PHLPP1: variants seen among roughly 807,000 people sequenced by gnomAD.
The protein encoded by PHLPP1 is PH domain leucine-rich repeat-containing protein phosphatase 1.
PHLPP1 carries 42 observed loss-of-function variants against 117.2 expected under a neutral mutation model. The ratio of observed to expected loss-of-function variants is 0.36; its 90% confidence interval spans 0.28 to 0.46. The LOEUF (loss-of-function observed/expected upper bound fraction) is 0.46. PHLPP1 is among the 20% of genes least tolerant of loss of function. The pLI is 1.00. For missense variants in PHLPP1, 2,084 were observed against 2,241.9 expected, an observed-to-expected ratio of 0.93 and a Z score of 1.42; for synonymous variants, 1,042 against 970.7, an observed-to-expected ratio of 1.07 and a Z score of -1.37.
chr18:62,751,344 A>G (rs1240242325), intron 1 of PHLPP1, among the ~76,000 whole-genome samples: 1 of 152,194 alleles, frequency 6.6e-6, no homozygotes, highest in Non-Finnish European at 1.5e-5. Context: ...CAAAGGAGTA[A>G]AACTTGAAGG....
chr18:62,936,828 G>A (rs947972113), intron 10 of PHLPP1, among the ~76,000 whole-genome samples: 3 of 152,166 alleles, frequency 2.0e-5, no homozygotes, highest in Non-Finnish European at 4.4e-5. Context: ...GAAATACAAC[G>A]TGAAGTGTCA....
At chr18:62,729,967 C>A (rs1243117587) in intron 1 of PHLPP1, among the ~76,000 whole-genome samples, 2 of 152,124 alleles carry the variant, frequency 1.3e-5, no homozygotes, top group Admixed American at 1.3e-4. Flanking sequence ...TCACAACAAC[C>A]GTATGAGGTA....
rs1910699644 is a variant in PHLPP1 at position 62,715,761 on chromosome 18, C to G, written c.78C>G (p.Ala26=). 1.0e-6 allele frequency: 1 copy of G among 986,816 alleles called. No homozygotes were observed. The highest frequency in any genetic ancestry group is 1.2e-6 in the Non-Finnish European group (1 of 804,108). The allele number at this position is 986,816 out of a possible 1,614,324, so 61.1% of individuals were successfully genotyped here. The change falls in exon 1 of 17, where the codon GCC becomes GCG. Residue 26 remains alanine (A), a synonymous_variant. Transcript: ENST00000262719. ...AGGACCGAGCTTCGGCTCCGGCGGCCGCCGCTGCGGCAGCAGCAGCAGCAG... is the reference window on the plus strand; with the variant it reads ...AGGACCGAGCTTCGGCTCCGGCGGCGGCCGCTGCGGCAGCAGCAGCAGCAG... ...GREDRASAPA[A]AAAAAAAAAA...
At position 62,978,506 on chromosome 18, in the gene PHLPP1, G is replaced by A. The variant is rs1455964354; in HGVS notation, c.4229G>A (p.Gly1410Asp). ...CTGTGTACCCTGGCCCAGAGCTACG[G>A]CTGCCACGACAGCATCAGCGCTGTG... is the stretch of plus-strand genomic sequence containing the variant. Reference protein sequence around the residue: ...KKLCTLAQSYGCHDSISAVVV... With the variant: ...KKLCTLAQSYDCHDSISAVVV... The change falls in exon 17 of 17, where the codon GGC (glycine) becomes GAC (aspartate). Residue 1410 changes from glycine (G) to aspartate (D), a missense_variant. Physicochemically the swap from Gly to Asp is moderately conservative, Grantham distance 94 (BLOSUM62 -1). This residue lies in a region of PHLPP1 where 1,365 missense variants were observed against 1,605.9 expected (regional missense o/e 0.85). Coordinates refer to ENST00000262719, the MANE Select transcript of PHLPP1 (RefSeq NM_194449.4). The surrounding 1 kb of genome is among the most constrained non-coding windows in gnomAD (Gnocchi z 7.0). The A allele has an allele frequency of 6.2e-7, 1 of 1,608,364 alleles. No individual in the cohort carries two copies. The highest frequency in any genetic ancestry group is 8.5e-7 in the Non-Finnish European group (1 of 1,177,688).
intron 3 of PHLPP1, among the ~76,000 whole-genome samples, chr18:62,847,615 A>G (rs926907413): frequency 2.6e-5 from 4 of 152,230 alleles, no homozygotes; most frequent in Non-Finnish European, 5.9e-5. Flanking sequence ...GTAGTTGACA[A>G]GAAGCGAATA....
chr18:62,960,891 A>G (rs1391111393), intron 13 of PHLPP1, among the ~76,000 whole-genome samples: 2 of 152,160 alleles, frequency 1.3e-5, no homozygotes, highest in East Asian at 1.9e-4. Flanking sequence ...GATTTTCCGT[A>G]TATTATTTGC....
chr18:62,715,865 G>A lies in PHLPP1; in HGVS notation c.182G>A (p.Ser61Asn). The A allele has an allele frequency of 3.7e-6, 3 of 818,278 alleles. No homozygotes were observed. In the South Asian group the frequency reaches 1.6e-4, roughly 43 times the overall value. 50.7% of individuals were successfully genotyped at this position (818,278 alleles called of 1,614,324 possible). Residue 61 changes from serine (S) to asparagine (N), a missense_variant, in exon 1 of 17, where the codon AGC becomes AAC. Ser to Asn is a conservative substitution (Grantham distance 46). Coordinates refer to ENST00000262719, the MANE Select transcript of PHLPP1 (RefSeq NM_194449.4). ...CCCGCGCTGACCCCGGCGGCCCCGA[G>A]CGGCGGGAACGGCAGCGGCAGCGGG... ...PEPALTPAAP[S>N]GGNGSGSGAR...
At chr18:62,749,635 G>T (rs1281173272) in intron 1 of PHLPP1, among the ~76,000 whole-genome samples, 5 of 152,172 alleles carry the variant, frequency 3.3e-5, no homozygotes, top group Admixed American at 6.5e-5. Flanking sequence ...CATGCAGATG[G>T]CCACCTTCTC....
At chr18:62,920,405 C>T (rs1909425990) in intron 10 of PHLPP1, among the ~76,000 whole-genome samples, 1 of 152,128 alleles carries the variant, frequency 6.6e-6, no homozygotes, top group South Asian at 2.1e-4. Flanking sequence ...AAGTGTGCTG[C>T]TCTGTTACTA....
intron 1 of PHLPP1, among the ~76,000 whole-genome samples, chr18:62,739,063 G>A (rs975762286): frequency 6.6e-6 from 1 of 152,166 alleles, no homozygotes; most frequent in African/African-American, 2.4e-5. Context: ...TAAGTTTGAG[G>A]TTCCTGAAGA....
At chr18:62,971,657 G>A (rs75992541) in intron 14 of PHLPP1, among the ~76,000 whole-genome samples, 2,310 of 150,970 alleles carry the variant, frequency 0.015, 36 homozygotes, top group Non-Finnish European at 0.025. Flanking sequence ...GAAGCTGGGC[G>A]GGAAGCAGGC....
chr18:62,912,302 TAAAAAAAAAAAATTAA>T (rs1332764551), intron 8 of PHLPP1, among the ~76,000 whole-genome samples: 14 of 131,476 alleles, frequency 1.1e-4, no homozygotes, highest in Admixed American at 1.1e-3. Flanking sequence ...TAGAGTATAA[TAAAAAAAAAAAATTAA>T]AAAAAAAATA....
At chr18:62,915,033 G>A (rs1909225319) in intron 9 of PHLPP1, 25 bp downstream of exon 9, 3 of 1,504,976 alleles carry the variant, frequency 2.0e-6, no homozygotes, top group Non-Finnish European at 2.8e-6. Flanking sequence ...TCAAATGAGA[G>A]GATCTCACAA....
At chr18:62,937,019 A>C (rs1261738488) in intron 10 of PHLPP1, among the ~76,000 whole-genome samples, 1 of 152,222 alleles carries the variant, frequency 6.6e-6, no homozygotes, top group Non-Finnish European at 1.5e-5. Flanking sequence ...ATGGTATATA[A>C]GTCCCAGTAC....
At chr18:62,900,707 T>TC (rs1279929319) in intron 6 of PHLPP1, among the ~76,000 whole-genome samples, 1 of 152,034 alleles carries the variant, frequency 6.6e-6, no homozygotes, top group Non-Finnish European at 1.5e-5. Flanking sequence ...TACTTCAGCC[T>TC]CCCAAAGTGG....
intron 1 of PHLPP1, among the ~76,000 whole-genome samples, chr18:62,783,218 C>CTTTTTTTTTTTTTTTTTTTTTTTTTT: frequency 7.6e-6 from 1 of 132,152 alleles, no homozygotes; most frequent in Non-Finnish European, 1.6e-5. Context: ...ACAAGCCTTT[C>CTTTTTTTTTTTTTTTTTTTTTTTTTT]TTTTTTTTTT....
At chr18:62,824,731 C>CTTTT (rs1914562406) in intron 1 of PHLPP1, among the ~76,000 whole-genome samples, 1 of 152,064 alleles carries the variant, frequency 6.6e-6, no homozygotes, top group African/African-American at 2.4e-5. Context: ...AAAAATACTT[C>CTTTT]ACAAAACAGT....
At chr18:62,950,916 C>G (rs1449176220) in intron 12 of PHLPP1, among the ~76,000 whole-genome samples, 6 of 151,996 alleles carry the variant, frequency 3.9e-5, no homozygotes, top group Non-Finnish European at 5.9e-5. Flanking sequence ...AACAGACTAG[C>G]AGGAAGTTAA....
intron 10 of PHLPP1, among the ~76,000 whole-genome samples, chr18:62,922,116 T>TTTTGTTTGTTTGTTTG (rs143839117): frequency 6.6e-6 from 1 of 151,278 alleles, no homozygotes; most frequent in Non-Finnish European, 1.5e-5. Flanking sequence ...GTTTTGGGTT[T>TTTTGTTTGTTTGTTTG]TTTGTTTGTT....
Sources: allele counts gnomAD v4.1 joint callset (sites outside exome capture counted in the v4.1 genomes callset), GRCh38; gene constraint gnomAD v4.1.1; regional missense constraint gnomAD v4.1.1; non-coding constraint Gnocchi (gnomAD v3.1); transcripts MANE v1.5; gene names NCBI Gene and HGNC (gene_info 2026-07-23, HGNC 2026-07-21).